The following SSH2 variants were observed in gnomAD, a reference collection of about 807,000 sequenced individuals.
SSH2 encodes the protein slingshot protein phosphatase 2.
SSH2 carries 37 observed loss-of-function variants against 135.2 expected under a neutral mutation model. The ratio of observed to expected loss-of-function variants is 0.27; its 90% CI spans 0.21 to 0.36. SSH2 has a LOEUF of 0.36. Among genes scored for constraint, SSH2 ranks in the 10% least tolerant of loss-of-function variants. The probability of loss-of-function intolerance (pLI) is 1.00; values close to 1 mark genes in which losing one functional copy is unlikely to be tolerated. For synonymous variants in SSH2, 628 were observed against 646.2 expected, an observed-to-expected ratio of 0.97 and a Z score of 0.43; for missense variants, 1,408 against 1,765.3, an observed-to-expected ratio of 0.80 and a Z score of 3.63.
intron 1 of SSH2, among the ~76,000 whole-genome samples, chr17:29,870,559 A>G (rs2065922285): frequency 6.6e-6 from 1 of 152,206 alleles, no homozygotes; most frequent in African/African-American, 2.4e-5. Flanking sequence ...AATAATAACA[A>G]AAGAACGTCT....
intron 11 of SSH2, among the ~76,000 whole-genome samples, chr17:29,656,849 A>T (rs982922328): frequency 1.3e-5 from 2 of 152,242 alleles, no homozygotes; most frequent in African/African-American, 4.8e-5. Context: ...AAAGAAATGT[A>T]ACATTAACAC....
intron 3 of SSH2, among the ~76,000 whole-genome samples, chr17:29,765,629 C>T (rs2041425973): frequency 6.6e-6 from 1 of 152,178 alleles, no homozygotes; most frequent in South Asian, 2.1e-4. Context: ...GTTCCAGATT[C>T]TAGCTGCTTT....
At chr17:29,868,674 G>A (rs1599117640) in intron 1 of SSH2, among the ~76,000 whole-genome samples, 3 of 150,470 alleles carry the variant, frequency 2.0e-5, no homozygotes, top group Admixed American at 1.3e-4. Context: ...GGAGGCAGAG[G>A]TTGCAGTGAG....
chr17:29,724,253 G>A (rs1002681968), intron 3 of SSH2, among the ~76,000 whole-genome samples: 6 of 152,314 alleles, frequency 3.9e-5, no homozygotes, highest in Non-Finnish European at 7.4e-5. Context: ...TTCTAGCCGG[G>A]CAGGGTGGCT....
chr17:29,694,680 T>C (rs998928988), intron 5 of SSH2, among the ~76,000 whole-genome samples: 25 of 152,052 alleles, frequency 1.6e-4, no homozygotes, highest in Non-Finnish European at 5.9e-5. Context: ...CAAAGAGGAT[T>C]ATGGTAAATT....
chr17:29,883,760 C>G (rs2066182127), intron 1 of SSH2, among the ~76,000 whole-genome samples: 1 of 152,168 alleles, frequency 6.6e-6, no homozygotes, highest in South Asian at 2.1e-4. Flanking sequence ...CTGTTCCTAT[C>G]AATTATCTCC....
chr17:29,746,580 A>G (rs2040772548), intron 3 of SSH2, among the ~76,000 whole-genome samples: 1 of 150,982 alleles, frequency 6.6e-6, no homozygotes, highest in Admixed American at 6.6e-5. Flanking sequence ...AAAGGAAAAA[A>G]GAGAGATGAT....
intron 14 of SSH2, chr17:29,647,924 A>G: frequency 2.0e-6 from 1 of 495,732 alleles, no homozygotes; most frequent in South Asian, 2.3e-5. Flanking sequence ...CAGCCTCCCA[A>G]AGTGCTGGGA....
At chr17:29,716,809 C>A in intron 3 of SSH2, 1 of 404,510 alleles carries the variant, frequency 2.5e-6, no homozygotes, top group Non-Finnish European at 4.7e-6. Context: ...TACCCACTGG[C>A]ATCTTGCTTC....
chr17:29,874,525 T>C (rs942879295), intron 1 of SSH2, among the ~76,000 whole-genome samples: 1 of 151,548 alleles, frequency 6.6e-6, no homozygotes, highest in Admixed American at 6.6e-5. Context: ...TGAGTTCTCA[T>C]GAGATCTGAT....
At chr17:29,888,719 A>T (rs1246232561) in intron 1 of SSH2, among the ~76,000 whole-genome samples, 2 of 151,410 alleles carry the variant, frequency 1.3e-5, no homozygotes. Context: ...GGATCACTTT[A>T]GGCCAGGAGT....
chr17:29,920,769 C>T (rs1053207740), intron 1 of SSH2, among the ~76,000 whole-genome samples: 116 of 152,030 alleles, frequency 7.6e-4, no homozygotes, highest in African/African-American at 2.5e-3. Flanking sequence ...TCCTTATTGA[C>T]GGAAAAGTGA....
intron 3 of SSH2, among the ~76,000 whole-genome samples, chr17:29,748,045 C>T (rs2040818183): frequency 6.6e-6 from 1 of 152,202 alleles, no homozygotes; most frequent in South Asian, 2.1e-4. Context: ...GAAATCCATT[C>T]TAGACTTATC....
rs185385922 is a variant in SSH2 at position 29,725,155 on chromosome 17, G to A, written c.189-22093C>T. Among the ~76,000 whole-genome samples the A allele has an allele frequency of 1.0e-3, 151 of 151,312 alleles. 1 individual carries two copies. Among genetic ancestry groups the A allele is most frequent in the African/African-American group, 3.5e-3 (145 of 41,266 alleles). On this transcript the variant is annotated intron_variant, in intron 3 of 15. Transcript: ENST00000540801. ...GAGGTTAGGAGATCGAGACCATTCT[G>A]GCTAACATGGTGAAACCCCGTCTCT...
chr17:29,637,792 A>T (rs1026567194), intron 14 of SSH2, among the ~76,000 whole-genome samples: 4 of 151,096 alleles, frequency 2.6e-5, no homozygotes, highest in Non-Finnish European at 4.4e-5. Context: ...AAAAAAAAAT[A>T]AAAAATAAAA....
Position 29,868,091 on chromosome 17 carries a change from A to G in SSH2, c.64-19162T>C, listed in dbSNP as rs545906924. On this transcript the variant is annotated intron_variant, in intron 1 of 15. Coordinates refer to ENST00000540801, the MANE Select transcript of SSH2 (RefSeq NM_001282129.2). ...AAGTGAAAGCTTGTAAACCTCAGGT[A>G]TAATCTTTCAAAGAGATTCATTCCC... 4.6e-5 allele frequency among the ~76,000 whole-genome samples: 7 copies of G among 152,358 alleles called. No homozygotes were observed. In the South Asian group the frequency reaches 1.5e-3, roughly 32 times the overall value.
intron 1 of SSH2, chr17:29,855,991 T>C: frequency 2.7e-6 from 1 of 377,332 alleles, no homozygotes; most frequent in Non-Finnish European, 5.2e-6. Flanking sequence ...GTACAGAACA[T>C]TATCAAGGGT....
At chr17:29,892,626 T>G (rs2066371393) in intron 1 of SSH2, among the ~76,000 whole-genome samples, 1 of 151,552 alleles carries the variant, frequency 6.6e-6, no homozygotes, top group East Asian at 1.9e-4. Context: ...TAGCTTAAAT[T>G]TTTTTTTTGT....
chr17:29,742,453 G>A lies in SSH2; in HGVS notation c.189-39391C>T, dbSNP rs1243873513. 6.1e-5 allele frequency among the ~76,000 whole-genome samples: 9 copies of A among 147,204 alleles called. No homozygotes were observed. The South Asian group carries it at 1.9e-3, about 31-fold the overall frequency. ...CCTGGGTCAGCCTCCTGGGTAGTTAGGACGAGAGGTATGTGCCACCACACC... is the reference window on the plus strand; with the variant it reads ...CCTGGGTCAGCCTCCTGGGTAGTTAAGACGAGAGGTATGTGCCACCACACC... On this transcript the variant is annotated intron_variant, in intron 3 of 15. Coordinates refer to ENST00000540801, the MANE Select transcript of SSH2 (RefSeq NM_001282129.2).
Sources: allele counts gnomAD v4.1 joint callset (sites outside exome capture counted in the v4.1 genomes callset), GRCh38; gene constraint gnomAD v4.1.1; transcripts MANE v1.5; gene names NCBI Gene and HGNC (gene_info 2026-07-23, HGNC 2026-07-21).